The following TBC1D12 variants were observed in gnomAD, a reference collection of about 807,000 sequenced individuals.
The protein encoded by TBC1D12 is TBC1 domain family, member 12.
In TBC1D12, 56 loss-of-function variants were observed where a neutral mutation model predicts 86.7. The ratio of observed to expected loss-of-function variants is 0.65; its 90% CI spans 0.52 to 0.81. The LOEUF is 0.81. TBC1D12 is among the 30% of genes least tolerant of loss of function. The pLI, the probability that TBC1D12 is intolerant of heterozygous loss-of-function variation, is 0.00. For synonymous variants in TBC1D12, 421 were observed against 411.7 expected, an observed-to-expected ratio of 1.02 and a Z score of -0.27; for missense variants, 1,023 against 1,038.8, an observed-to-expected ratio of 0.98 and a Z score of 0.21.
chr10:94,419,910 G>A (rs1338855532), intron 1 of TBC1D12, among the ~76,000 whole-genome samples: 1 of 152,184 alleles, frequency 6.6e-6, no homozygotes, highest in Non-Finnish European at 1.5e-5. Flanking sequence ...CCTACTGAAA[G>A]AAGCAAGCAG....
chr10:94,437,083 T>G (rs1327211910), intron 1 of TBC1D12, among the ~76,000 whole-genome samples: 1 of 152,144 alleles, frequency 6.6e-6, no homozygotes, highest in Non-Finnish European at 1.5e-5. Flanking sequence ...TTTCTGACCT[T>G]TAAATATGTA....
intron 2 of TBC1D12, among the ~76,000 whole-genome samples, chr10:94,469,064 T>C (rs2055864254): frequency 6.6e-6 from 1 of 152,146 alleles, no homozygotes; most frequent in South Asian, 2.1e-4. Flanking sequence ...AGATGTGAAC[T>C]AAAAAAGTTT....
At chr10:94,489,417 G>A (rs1289389300) in intron 3 of TBC1D12, among the ~76,000 whole-genome samples, 2 of 152,190 alleles carry the variant, frequency 1.3e-5, no homozygotes, top group African/African-American at 4.8e-5. Context: ...ATTTAAGACT[G>A]TCTTTCCTAC....
At chr10:94,481,499 CTAAT>C (rs2056078082) in intron 3 of TBC1D12, among the ~76,000 whole-genome samples, 1 of 152,216 alleles carries the variant, frequency 6.6e-6, no homozygotes, top group African/African-American at 2.4e-5. Context: ...ACTTCATTAA[CTAAT>C]CTCTGCTAGA....
At chr10:94,442,885 G>A (rs1334344341) in intron 2 of TBC1D12, among the ~76,000 whole-genome samples, 2 of 152,108 alleles carry the variant, frequency 1.3e-5, no homozygotes, top group East Asian at 3.8e-4. Context: ...AGAAAAACTG[G>A]TTTTCCAAGT....
intron 9 of TBC1D12, among the ~76,000 whole-genome samples, chr10:94,521,237 A>AT (rs1842145231): frequency 7.3e-6 from 1 of 136,238 alleles, no homozygotes; most frequent in Non-Finnish European, 1.6e-5. Context: ...AAAAAAAAAA[A>AT]CAAAAAAAAA....
At chr10:94,527,395 T>A (rs959289797) in intron 11 of TBC1D12, among the ~76,000 whole-genome samples, 1 of 151,786 alleles carries the variant, frequency 6.6e-6, no homozygotes, top group Non-Finnish European at 1.5e-5. Flanking sequence ...GGCGTTTGTT[T>A]TTTTTTTTTC....
At chr10:94,482,367 T>C (rs1030954985) in intron 3 of TBC1D12, among the ~76,000 whole-genome samples, 15 of 152,302 alleles carry the variant, frequency 9.8e-5, no homozygotes, top group African/African-American at 3.4e-4. Flanking sequence ...TTTTTATGGC[T>C]ACAGGGTTAT....
intron 9 of TBC1D12, among the ~76,000 whole-genome samples, chr10:94,518,949 C>T (rs1842071966): frequency 6.6e-6 from 1 of 152,138 alleles, no homozygotes; most frequent in African/African-American, 2.4e-5. Flanking sequence ...GTGGCAGGCA[C>T]CTCTATTCCC....
At chr10:94,483,787 G>A (rs1214130750) in intron 3 of TBC1D12, among the ~76,000 whole-genome samples, 1 of 151,586 alleles carries the variant, frequency 6.6e-6, no homozygotes, top group African/African-American at 2.4e-5. Flanking sequence ...AACTTGATGT[G>A]ATCTCATTTG....
At chr10:94,428,494 G>C (rs11187944) in intron 1 of TBC1D12, among the ~76,000 whole-genome samples, 72,464 of 151,224 alleles carry the variant, frequency 0.48, 17,788 homozygotes, top group East Asian at 0.79. Context: ...TGCCATGTTA[G>C]ACAGGGTAAT....
intron 9 of TBC1D12, among the ~76,000 whole-genome samples, chr10:94,513,022 GC>G (rs915035395): frequency 2.0e-5 from 3 of 152,074 alleles, no homozygotes; most frequent in Non-Finnish European, 4.4e-5. Flanking sequence ...GCCTAGGCGG[GC>G]AGATTCCATA....
At chr10:94,406,904 C>G (rs1484247597) in intron 1 of TBC1D12, among the ~76,000 whole-genome samples, 1 of 152,114 alleles carries the variant, frequency 6.6e-6, no homozygotes, top group African/African-American at 2.4e-5. Flanking sequence ...CCTGATTTCC[C>G]AATCCATGTT....
chr10:94,476,125 C>G (rs544590088), intron 3 of TBC1D12, among the ~76,000 whole-genome samples: 10 of 151,838 alleles, frequency 6.6e-5, no homozygotes, highest in Non-Finnish European at 1.2e-4. Flanking sequence ...TTCTCTCTCT[C>G]TCTTTTTTTT....
intron 1 of TBC1D12, among the ~76,000 whole-genome samples, chr10:94,415,307 C>A (rs1397153853): frequency 6.6e-6 from 1 of 152,150 alleles, no homozygotes; most frequent in African/African-American, 2.4e-5. Context: ...ACTCCCCCAA[C>A]CCCTCATTGA....
rs56666225 is a variant in TBC1D12 at position 94,484,276 on chromosome 10, C to G, written c.1212-9089C>G. ...TTTTTTTTTTTTTGAGGTGGAGTTT[C>G]GCTCTTGTTGCTCAGGCTGGAATGC... is the stretch of plus-strand genomic sequence containing the variant. On this transcript the variant is annotated intron_variant, in intron 3 of 12. Coordinates refer to ENST00000225235, the MANE Select transcript of TBC1D12 (RefSeq NM_015188.2). 2.1e-5 allele frequency among the ~76,000 whole-genome samples: 3 copies of G among 145,376 alleles called. No homozygotes were observed. The Admixed American group carries it at 2.1e-4, about 10-fold the overall frequency.
At chr10:94,473,356 A>G (rs1448779826) in intron 2 of TBC1D12, among the ~76,000 whole-genome samples, 1 of 150,842 alleles carries the variant, frequency 6.6e-6, no homozygotes. Context: ...GCATAACTCC[A>G]TCTCAAAAAA....
At chr10:94,487,855 C>T (rs1235384392) in intron 3 of TBC1D12, among the ~76,000 whole-genome samples, 1 of 141,316 alleles carries the variant, frequency 7.1e-6, no homozygotes. Context: ...TGCCACCATA[C>T]CCAGCTGGTT....
intron 1 of TBC1D12, among the ~76,000 whole-genome samples, chr10:94,417,810 G>A (rs1165732505): frequency 6.7e-6 from 1 of 149,350 alleles, no homozygotes; most frequent in Non-Finnish European, 1.5e-5. Context: ...GTGCAGTGGC[G>A]CAGTCTTGGC....
Sources: allele counts gnomAD v4.1 joint callset (sites outside exome capture counted in the v4.1 genomes callset), GRCh38; gene constraint gnomAD v4.1.1; transcripts MANE v1.5; gene names NCBI Gene and HGNC (gene_info 2026-07-23, HGNC 2026-07-21).